Variants in CD40LG observed in about 807,000 individuals in gnomAD.
CD40LG encodes CD40 ligand, also known as CD40 antigen ligand.
CD40LG carries 1 observed loss-of-function variant against 17.2 expected under a neutral mutation model. That is an observed-to-expected ratio of 0.06 (90% CI 0.02 to 0.28). The LOEUF (loss-of-function observed/expected upper bound fraction) is 0.28, where lower values mean the gene tolerates loss of function less well. CD40LG is among the 10% of genes least tolerant of loss of function. CD40LG has a pLI of 1.00. For synonymous variants in CD40LG, 66 were observed against 74.4 expected, an observed-to-expected ratio of 0.89 and a Z score of 0.58; for missense variants, 133 against 193.2, an observed-to-expected ratio of 0.69 and a Z score of 1.85.
At position 136,654,363 on chromosome X, in the gene CD40LG, C is replaced by T; in HGVS notation, c.289-10C>T. 1 of 1,178,073 alleles carries T rather than the reference C, an allele frequency of 8.5e-7. No homozygotes were observed. The highest frequency in any genetic ancestry group is 1.2e-6 in the Non-Finnish European group (1 of 864,896). On this transcript the variant is annotated splice_polypyrimidine_tract_variant and intron_variant, in intron 2 of 4. Coordinates refer to ENST00000370629, the MANE Select transcript of CD40LG (RefSeq NM_000074.3). ...GTCAAAATGACCTCTTGCAATGCTT[C>T]TTATTTTAGGATATAATGTTAAACA...
chrX:136,659,165 C>A lies in CD40LG; in HGVS notation c.536C>A (p.Ser179Tyr). Residue 179 changes from serine (S) to tyrosine (Y), a missense_variant, in exon 5 of 5, where the codon TCC becomes TAC. Ser to Tyr is a moderately radical substitution (Grantham distance 144). Coordinates refer to ENST00000370629, the MANE Select transcript of CD40LG (RefSeq NM_000074.3). ...ATCTATGCCCAAGTCACCTTCTGTTCCAATCGGGAAGCTTCGAGTCAAGCT... is the reference window on the plus strand; with the variant it reads ...ATCTATGCCCAAGTCACCTTCTGTTACAATCGGGAAGCTTCGAGTCAAGCT... ...YYIYAQVTFC[S>Y]NREASSQAPF... 1 of 1,211,519 alleles carries A rather than the reference C, an allele frequency of 8.3e-7. No individual in the cohort carries two copies. Among genetic ancestry groups the A allele is most frequent in the Non-Finnish European group, 1.1e-6 (1 of 895,193 alleles).
chrX:136,659,009 C>T (rs778906038), intron 4 of CD40LG, 30 bp from the exon 5 acceptor site: 2 of 1,205,501 alleles, frequency 1.7e-6, no homozygotes, highest in Admixed American at 2.2e-5. Context: ...TGCTTCACCT[C>T]ACCACAAACT....
chrX:136,658,323 C>G (rs953257465), intron 4 of CD40LG, among the ~76,000 whole-genome samples: 7 of 112,198 alleles, frequency 6.2e-5, no homozygotes, highest in African/African-American at 2.3e-4. Flanking sequence ...CTCAACATCT[C>G]AGCCGAGAAA....
In CD40LG at chrX:136,659,918, A is replaced by C. The variant is rs2076129699; in HGVS notation, c.*503A>C. On this transcript the variant is annotated 3_prime_UTR_variant, in exon 5 of 5. Coordinates refer to ENST00000370629, the MANE Select transcript of CD40LG (RefSeq NM_000074.3). ...GAACGTCTAACACAGTGGAGAACCG[A>C]AACCCCCCCCCCCCCCCCGCCACCC... 1 of 15,567 alleles carries C rather than the reference A, an allele frequency of 6.4e-5. No individual in the cohort carries two copies. Among genetic ancestry groups the C allele is most frequent in the Non-Finnish European group, 1.2e-4 (1 of 8,259 alleles). 1.3% of individuals were successfully genotyped at this position (15,567 alleles called of 1,213,427 possible).
At chrX:136,650,528 T>C (rs759389647) in intron 2 of CD40LG, 131 bp downstream of exon 2, 4 of 565,188 alleles carry the variant, frequency 7.1e-6, no homozygotes, top group African/African-American at 7.0e-5. Flanking sequence ...CACACATATA[T>C]ATGCATGCAG....
chrX:136,652,750 C>G (rs2076107635), intron 2 of CD40LG, among the ~76,000 whole-genome samples: 1 of 111,504 alleles, frequency 9.0e-6, no homozygotes, highest in Admixed American at 9.5e-5. Context: ...CACACCTCTG[C>G]TAGATGTTCA....
chrX:136,654,384 A>C lies in CD40LG; in HGVS notation c.300A>C (p.Leu100Phe). 8.3e-7 allele frequency: 1 copy of C among 1,199,943 alleles called. No individual in the cohort carries two copies. Among genetic ancestry groups the C allele is most frequent in the Non-Finnish European group, 1.1e-6 (1 of 884,619 alleles). ...QFEGFVKDIMLNKEETKKENS... is the reference protein window; with the variant it reads ...QFEGFVKDIMFNKEETKKENS... ...GCTTCTTATTTTAGGATATAATGTT[A>C]AACAAAGAGGAGACGAAGAAAGAAA... The change falls in exon 3 of 5, where the codon TTA becomes TTC. Residue 100 changes from leucine (L) to phenylalanine (F), a missense_variant. Leu to Phe is a conservative substitution (Grantham distance 22, BLOSUM62 0). Coordinates refer to ENST00000370629, the MANE Select transcript of CD40LG (RefSeq NM_000074.3).
At chrX:136,649,535 G>A (rs1186928458) in intron 1 of CD40LG, among the ~76,000 whole-genome samples, 1 of 112,158 alleles carries the variant, frequency 8.9e-6, no homozygotes, top group Non-Finnish European at 1.9e-5. Context: ...TGACCTCAGT[G>A]GACTGATATT....
intron 4 of CD40LG, among the ~76,000 whole-genome samples, chrX:136,656,879 T>A (rs2076120677): frequency 8.9e-6 from 1 of 112,050 alleles, no homozygotes; most frequent in Admixed American, 9.4e-5. Flanking sequence ...GTAAAATCAT[T>A]CTGTAAAGAT....
At chrX:136,650,573 T>TAA (rs80103261) in intron 2 of CD40LG, among the ~76,000 whole-genome samples, 176 bp downstream of exon 2, 11 of 100,059 alleles carry the variant, frequency 1.1e-4, no homozygotes, top group African/African-American at 3.3e-4. Context: ...GTGTGGGGGT[T>TAA]AAAAAAAAAA....
At chrX:136,652,983 C>T (rs760477608) in intron 2 of CD40LG, among the ~76,000 whole-genome samples, 3 of 110,213 alleles carry the variant, frequency 2.7e-5, no homozygotes, top group South Asian at 3.9e-4. Flanking sequence ...TGTGGTTGGG[C>T]GAAAGTTCAC....
At chrX:136,650,418 T>C (rs1429508209) in intron 2 of CD40LG, 21 bp downstream of exon 2, 6 of 1,192,147 alleles carry the variant, frequency 5.0e-6, no homozygotes, top group Non-Finnish European at 6.8e-6. Context: ...TAATTACTGG[T>C]AAAAGTGTCA....
intron 4 of CD40LG, among the ~76,000 whole-genome samples, chrX:136,657,037 T>A (rs2076121252): frequency 8.9e-6 from 1 of 112,325 alleles, no homozygotes; most frequent in African/African-American, 3.2e-5. Flanking sequence ...CATCTTGCGA[T>A]AACTGGTGCC....
chrX:136,648,920 T>G lies in CD40LG; in HGVS notation c.156+516T>G, dbSNP rs2076096764. The stretch of plus-strand genomic sequence containing the variant: ...TGCTTCAGATTAACATAGACATGGA[T>G]AAGTCCCAGAATTTGCAGTCTTTTA... On this transcript the variant is annotated intron_variant, in intron 1 of 4. Coordinates refer to ENST00000370629, the MANE Select transcript of CD40LG (RefSeq NM_000074.3). Among the ~76,000 whole-genome samples, 3 of 112,335 alleles carry G rather than the reference T, an allele frequency of 2.7e-5. No individual in the cohort carries two copies. The South Asian group carries it at 1.1e-3, about 42-fold the overall frequency.
intron 3 of CD40LG, 81 bp from the exon 4 acceptor site, chrX:136,656,275 C>A: frequency 1.4e-6 from 1 of 708,499 alleles, no homozygotes; most frequent in Non-Finnish European, 2.3e-6. Flanking sequence ...GTCTCTATTA[C>A]ACAGTTGTAG....
intron 3 of CD40LG, among the ~76,000 whole-genome samples, chrX:136,655,347 T>C (rs907157807): frequency 9.8e-5 from 11 of 111,857 alleles, no homozygotes; most frequent in Admixed American, 9.5e-4. Flanking sequence ...CACCTCCTTT[T>C]CTTGGACACA....
intron 4 of CD40LG, among the ~76,000 whole-genome samples, chrX:136,656,767 T>G (rs1569377325): frequency 8.9e-6 from 1 of 111,790 alleles, no homozygotes; most frequent in East Asian, 2.8e-4. Flanking sequence ...CTAACCCATC[T>G]TCACTGTGTG....
Position 136,648,395 on chromosome X carries a change from G to A in CD40LG, c.147G>A (p.Arg49=). The change falls in exon 1 of 5, where the codon AGG becomes AGA. Residue 49 remains arginine, a synonymous_variant. Coordinates refer to ENST00000370629, the MANE Select transcript of CD40LG (RefSeq NM_000074.3). ...SALFAVYLHR[R]LDKIEDERNL... ...TTTTTGCTGTGTATCTTCATAGAAG[G>A]TTGGACAAGGTAAGATGAACCACAA... 1 of 1,209,161 alleles carries A rather than the reference G, an allele frequency of 8.3e-7. No individual in the cohort carries two copies. The highest frequency in any genetic ancestry group is 1.1e-6 in the Non-Finnish European group (1 of 893,114).
In CD40LG at chrX:136,656,342, T is replaced by C; in HGVS notation, c.347-14T>C. 2.5e-6 allele frequency: 3 copies of C among 1,201,272 alleles called. No homozygotes were observed. Among genetic ancestry groups the C allele is most frequent in the Non-Finnish European group, 3.4e-6 (3 of 885,824 alleles). The stretch of plus-strand genomic sequence containing the variant: ...TGCATTATTTTAGCCTGACAGTTTT[T>C]GGTTCCATTTCAGGTGATCAGAATC... On this transcript the variant is annotated splice_polypyrimidine_tract_variant and intron_variant, in intron 3 of 4. Transcript: ENST00000370629.
Sources: allele counts gnomAD v4.1 joint callset (sites outside exome capture counted in the v4.1 genomes callset), GRCh38; gene constraint gnomAD v4.1.1; transcripts MANE v1.5; gene names NCBI Gene and HGNC (gene_info 2026-07-23, HGNC 2026-07-21).